CRYL1: variants seen among roughly 807,000 people sequenced by gnomAD.
CRYL1 encodes lambda-crystallin homolog.
Under a neutral mutation model 36.6 loss-of-function variants are expected in CRYL1, and 29 were observed. The observed-to-expected ratio is 0.79, with a 90% CI of 0.59 to 1.08. The LOEUF (loss-of-function observed/expected upper bound fraction) is 1.08, where lower values mean the gene tolerates loss of function less well. Ranked by LOEUF, CRYL1 falls within the 50% of genes least tolerant of loss-of-function variation. The pLI is 0.00. For missense variants in CRYL1, 411 were observed against 407.9 expected (o/e 1.01, Z -0.06); for synonymous variants, 152 against 151.5 (o/e 1.00, Z -0.02).
chr13:20,424,600 C>T (rs1395449224), intron 5 of CRYL1, among the ~76,000 whole-genome samples: 4 of 152,212 alleles, frequency 2.6e-5, no homozygotes, highest in African/African-American at 9.6e-5. Context: ...GGGATCAGCT[C>T]TAAGCGGCAC....
At chr13:20,497,262 T>TATACACACTACACACACACCACCAC (rs2033621267) in intron 2 of CRYL1, among the ~76,000 whole-genome samples, 1 of 96,912 alleles carries the variant, frequency 1.0e-5, no homozygotes, top group Admixed American at 1.1e-4. Flanking sequence ...ACACACCACA[T>TATACACACTACACACACACCACCAC]ACACACAACT....
At chr13:20,426,694 G>A in intron 5 of CRYL1, 1 of 985,308 alleles carries the variant, frequency 1.0e-6, no homozygotes, top group Non-Finnish European at 1.2e-6. Context: ...CCACAAAAAA[G>A]CCTCATCTGT....
intron 3 of CRYL1, among the ~76,000 whole-genome samples, chr13:20,488,594 A>G (rs2033446577): frequency 6.6e-6 from 1 of 152,262 alleles, no homozygotes; most frequent in African/African-American, 2.4e-5. Context: ...TCTCAGCTAG[A>G]ATATCAACAG....
At chr13:20,499,102 G>A (rs2033659339) in intron 2 of CRYL1, among the ~76,000 whole-genome samples, 1 of 152,134 alleles carries the variant, frequency 6.6e-6, no homozygotes, top group Admixed American at 6.6e-5. Flanking sequence ...CAACACTTTG[G>A]GAAGACAAGA....
intron 5 of CRYL1, among the ~76,000 whole-genome samples, chr13:20,417,681 C>T (rs764464324): frequency 3.3e-5 from 5 of 152,140 alleles, no homozygotes; most frequent in Non-Finnish European, 7.3e-5. Context: ...CTTCTGCTTC[C>T]TTAGTTAAAA....
At chr13:20,463,058 A>C (rs2032863287) in intron 3 of CRYL1, among the ~76,000 whole-genome samples, 1 of 152,154 alleles carries the variant, frequency 6.6e-6, no homozygotes, top group African/African-American at 2.4e-5. Flanking sequence ...AAACGGCAGC[A>C]GAACCCGAAG....
At chr13:20,500,888 T>G (rs986649755) in intron 2 of CRYL1, among the ~76,000 whole-genome samples, 2 of 152,204 alleles carry the variant, frequency 1.3e-5, no homozygotes, top group Non-Finnish European at 2.9e-5. Context: ...ATCTGAGTTC[T>G]TTCCTCAGGA....
intron 6 of CRYL1, among the ~76,000 whole-genome samples, chr13:20,407,677 CCTTGTAGAG>C (rs2031412347): frequency 6.6e-6 from 1 of 152,124 alleles, no homozygotes; most frequent in South Asian, 2.1e-4. Flanking sequence ...CTTCCAAAAC[CCTTGTAGAG>C]CTTGGCTTTT....
At chr13:20,511,683 A>G (rs1232248054) in intron 2 of CRYL1, among the ~76,000 whole-genome samples, 1 of 152,228 alleles carries the variant, frequency 6.6e-6, no homozygotes, top group Admixed American at 6.5e-5. Flanking sequence ...CGTGTCTGAG[A>G]TGGTCAGAAC....
At chr13:20,494,108 A>G (rs1165203920) in intron 2 of CRYL1, among the ~76,000 whole-genome samples, 2 of 152,212 alleles carry the variant, frequency 1.3e-5, no homozygotes, top group Non-Finnish European at 2.9e-5. Flanking sequence ...TTTGACCTGC[A>G]GCAGTGGCTA....
intron 3 of CRYL1, among the ~76,000 whole-genome samples, chr13:20,460,747 G>A (rs1158432724): frequency 6.6e-6 from 1 of 152,004 alleles, no homozygotes; most frequent in East Asian, 1.9e-4. Flanking sequence ...GAATGGTCTC[G>A]ATCTCCTGAC....
chr13:20,432,784 G>C (rs779428524), intron 4 of CRYL1, among the ~76,000 whole-genome samples: 1 of 152,142 alleles, frequency 6.6e-6, no homozygotes, highest in African/African-American at 2.4e-5. Context: ...TTGGGAGGTC[G>C]AGGTGGAGGG....
intron 3 of CRYL1, among the ~76,000 whole-genome samples, chr13:20,472,363 A>G (rs1414765613): frequency 6.6e-6 from 1 of 152,166 alleles, no homozygotes; most frequent in South Asian, 2.1e-4. Context: ...TTTTTGCCAA[A>G]TATTTTCAAG....
At chr13:20,497,132 G>C (rs1365793059) in intron 2 of CRYL1, among the ~76,000 whole-genome samples, 1 of 152,032 alleles carries the variant, frequency 6.6e-6, no homozygotes, top group Non-Finnish European at 1.5e-5. Flanking sequence ...ACTGAAAGCG[G>C]TGCCACTACT....
At chr13:20,432,076 G>A (rs1366947523) in intron 5 of CRYL1, 26 bp downstream of exon 5, 21 of 1,614,010 alleles carry the variant, frequency 1.3e-5, no homozygotes, top group Non-Finnish European at 1.7e-5. Context: ...GGAAGGGAGG[G>A]AGGGAGAGAG....
At chr13:20,504,949 T>C (rs79168112) in intron 2 of CRYL1, among the ~76,000 whole-genome samples, 6 of 152,328 alleles carry the variant, frequency 3.9e-5, no homozygotes, top group Non-Finnish European at 8.8e-5. Flanking sequence ...ATATGTACCA[T>C]TTCTACTATT....
chr13:20,437,174 G>A (rs1321903177), intron 4 of CRYL1, among the ~76,000 whole-genome samples: 1 of 152,116 alleles, frequency 6.6e-6, no homozygotes, highest in Non-Finnish European at 1.5e-5. Context: ...AAAAAAGAGA[G>A]AGAGAGAGAG....
At position 20,489,395 on chromosome 13, in the gene CRYL1, G is replaced by C; in HGVS notation, c.251C>G (p.Ala84Gly). The C allele has an allele frequency of 6.2e-7, 1 of 1,613,424 alleles. No homozygotes were observed. The highest frequency in any genetic ancestry group is 1.3e-5 in the African/African-American group (1 of 75,014). The change falls in exon 3 of 8, where the codon GCA becomes GGA. Residue 84 changes from alanine (A) to glycine (G), a missense_variant. Physicochemically the swap from Ala to Gly is moderately conservative, Grantham distance 60. Coordinates refer to ENST00000298248, the MANE Select transcript of CRYL1 (RefSeq NM_015974.3). Reference sequence around the variant, plus strand: ...CTGAATGTGCATGGCACCCTCTACTGCTTCTTGGATATTGGGACAACCACT... The same window carrying C: ...CTGAATGTGCATGGCACCCTCTACTCCTTCTTGGATATTGGGACAACCACT... The part of the protein sequence containing the change: ...LISGCPNIQE[A>G]VEGAMHIQEC...
At chr13:20,521,231 G>A (rs1172337787) in intron 1 of CRYL1, among the ~76,000 whole-genome samples, 2 of 151,528 alleles carry the variant, frequency 1.3e-5, no homozygotes, top group African/African-American at 4.9e-5. Flanking sequence ...AAATCAGTAA[G>A]AGGCACTATA....
Sources: allele counts gnomAD v4.1 joint callset (sites outside exome capture counted in the v4.1 genomes callset), GRCh38; gene constraint gnomAD v4.1.1; transcripts MANE v1.5; gene names NCBI Gene and HGNC (gene_info 2026-07-23, HGNC 2026-07-21).